TANGO6: variants seen among roughly 807,000 people sequenced by gnomAD.
The protein encoded by TANGO6 is transport and golgi organization 6 homolog, also known as transport and Golgi organization protein 6 homolog.
A neutral mutation model predicts 114.2 loss-of-function variants in TANGO6; 90 were observed. That is an observed-to-expected ratio of 0.79 (90% CI 0.66 to 0.94). The LOEUF is 0.94. TANGO6 is among the 40% of genes least tolerant of loss of function. TANGO6 has a pLI of 0.00. For synonymous variants in TANGO6, 477 were observed against 509.8 expected, an observed-to-expected ratio of 0.94 and a Z score of 0.87; for missense variants, 1,274 against 1,315.3, an observed-to-expected ratio of 0.97 and a Z score of 0.49.
At chr16:68,960,478 T>G (rs1216256403) in intron 14 of TANGO6, among the ~76,000 whole-genome samples, 1 of 151,446 alleles carries the variant, frequency 6.6e-6, no homozygotes, top group Non-Finnish European at 1.5e-5. Context: ...TTTAAATTAT[T>G]TTTTATTTAA....
At chr16:68,870,364 G>A (rs533262607) in intron 4 of TANGO6, among the ~76,000 whole-genome samples, 2 of 152,322 alleles carry the variant, frequency 1.3e-5, no homozygotes, top group South Asian at 2.1e-4. Flanking sequence ...GTTGGCAGAC[G>A]TTGGTAGATT....
chr16:69,038,344 C>T (rs1447328974), intron 16 of TANGO6, among the ~76,000 whole-genome samples: 1 of 151,930 alleles, frequency 6.6e-6, no homozygotes, highest in Non-Finnish European at 1.5e-5. Context: ...GCACCAGAAT[C>T]GCTTGAACCC....
chr16:68,938,020 A>G (rs1203844223), intron 14 of TANGO6, among the ~76,000 whole-genome samples: 2 of 152,170 alleles, frequency 1.3e-5, no homozygotes, highest in Non-Finnish European at 2.9e-5. Context: ...CTGCTGGACT[A>G]TTTTCCAAAG....
At chr16:68,880,989 A>C (rs1292250972) in intron 7 of TANGO6, among the ~76,000 whole-genome samples, 2 of 152,036 alleles carry the variant, frequency 1.3e-5, no homozygotes, top group African/African-American at 2.4e-5. Flanking sequence ...AGGTCTCACT[A>C]TATTGCCCAG....
At chr16:68,933,313 G>T (rs1963266027) in intron 14 of TANGO6, among the ~76,000 whole-genome samples, 1 of 152,156 alleles carries the variant, frequency 6.6e-6, no homozygotes, top group South Asian at 2.1e-4. Flanking sequence ...TACTTGGGAG[G>T]CTGAAGCAGG....
intron 1 of TANGO6, among the ~76,000 whole-genome samples, chr16:68,852,289 A>C (rs1365765602): frequency 6.6e-6 from 1 of 152,192 alleles, no homozygotes; most frequent in Admixed American, 6.5e-5. Flanking sequence ...ACCATAATTT[A>C]CTCAACAAAC....
intron 7 of TANGO6, among the ~76,000 whole-genome samples, chr16:68,888,140 C>T (rs1962563577): frequency 6.6e-6 from 1 of 152,110 alleles, no homozygotes; most frequent in African/African-American, 2.4e-5. Flanking sequence ...ATGATTCTCA[C>T]TTCTATATAT....
chr16:69,005,447 A>G (rs958169634), intron 15 of TANGO6, among the ~76,000 whole-genome samples: 1 of 152,152 alleles, frequency 6.6e-6, no homozygotes, highest in Non-Finnish European at 1.5e-5. Flanking sequence ...TCTTATGGCC[A>G]CTTTCCCATC....
intron 14 of TANGO6, among the ~76,000 whole-genome samples, chr16:68,949,833 T>A (rs1192776256): frequency 2.7e-5 from 4 of 150,874 alleles, no homozygotes; most frequent in Admixed American, 6.6e-5. Context: ...AAGTTTATAT[T>A]TATATATATA....
intron 7 of TANGO6, among the ~76,000 whole-genome samples, chr16:68,896,769 G>A (rs1962711510): frequency 6.6e-6 from 1 of 152,084 alleles, no homozygotes; most frequent in Non-Finnish European, 1.5e-5. Flanking sequence ...ACTGTAGAAA[G>A]CATTTATTTA....
At chr16:69,068,799 C>T (rs535007231) in intron 17 of TANGO6, among the ~76,000 whole-genome samples, 2 of 152,290 alleles carry the variant, frequency 1.3e-5, no homozygotes, top group South Asian at 2.1e-4. Flanking sequence ...CTGCAACCTC[C>T]GCCTCCCAGA....
chr16:68,939,755 A>C (rs1027422993), intron 14 of TANGO6, among the ~76,000 whole-genome samples: 2 of 152,198 alleles, frequency 1.3e-5, no homozygotes, highest in African/African-American at 4.8e-5. Flanking sequence ...GTATATACAC[A>C]CGTACATATT....
chr16:68,986,451 G>C (rs1035424928), intron 15 of TANGO6, among the ~76,000 whole-genome samples: 2 of 151,936 alleles, frequency 1.3e-5, no homozygotes, highest in African/African-American at 4.8e-5. Context: ...CTGATTCAAT[G>C]TGCTTTGTCA....
rs1483916289 is a variant in TANGO6, at chr16:68,860,328, A to C, written c.539A>C (p.Gln180Pro). ...AGAACTGAATTTGGTGCCGTCGTTCAAGACGTGGTGTGTTTTGATGCTGCC... is the reference window on the plus strand; with the variant it reads ...AGAACTGAATTTGGTGCCGTCGTTCCAGACGTGGTGTGTTTTGATGCTGCC... Reference protein sequence around the residue: ...RYRTEFGAVVQDVVCFDAAPD... With the variant: ...RYRTEFGAVVPDVVCFDAAPD... The change falls in exon 2 of 18, where the codon CAA becomes CCA. Residue 180 changes from glutamine (Q) to proline (P), a missense_variant. Transcript: ENST00000261778. 6.2e-7 allele frequency: 1 copy of C among 1,613,882 alleles called. No homozygotes were observed. Among genetic ancestry groups the C allele is most frequent in the Non-Finnish European group, 8.5e-7 (1 of 1,179,906 alleles).
At chr16:68,893,253 C>T (rs1172619077) in intron 7 of TANGO6, among the ~76,000 whole-genome samples, 1 of 152,148 alleles carries the variant, frequency 6.6e-6, no homozygotes, top group Non-Finnish European at 1.5e-5. Context: ...AGAGGCCTTA[C>T]AGCACCATTC....
intron 17 of TANGO6, among the ~76,000 whole-genome samples, chr16:69,080,090 CA>C (rs1463208169): frequency 6.6e-6 from 1 of 152,010 alleles, no homozygotes; most frequent in African/African-American, 2.4e-5. Context: ...TTTGCAATAG[CA>C]AAAGATAAAA....
At chr16:69,051,528 C>T (rs1228840007) in intron 17 of TANGO6, among the ~76,000 whole-genome samples, 1 of 152,114 alleles carries the variant, frequency 6.6e-6, no homozygotes, top group Non-Finnish European at 1.5e-5. Context: ...ACTAAAAATA[C>T]AAAAATTAAC....
intron 14 of TANGO6, among the ~76,000 whole-genome samples, chr16:68,956,283 A>G (rs879837773): frequency 2.6e-5 from 4 of 152,254 alleles, no homozygotes; most frequent in African/African-American, 4.8e-5. Flanking sequence ...CCAGAACTCT[A>G]TGAGGTGAAC....
At chr16:69,018,139 CTTTTTT>C (rs34796579) in intron 15 of TANGO6, among the ~76,000 whole-genome samples, 2 of 77,076 alleles carry the variant, frequency 2.6e-5, no homozygotes, top group African/African-American at 4.7e-5. Context: ...TTGGAAATCT[CTTTTTT>C]TTTTTTTTTT....
Sources: gnomAD v4.1 joint callset for allele counts (sites outside exome capture counted in the v4.1 genomes callset) on GRCh38, gnomAD v4.1.1 for gene constraint, MANE v1.5 for transcripts, NCBI Gene and HGNC (gene_info 2026-07-23, HGNC 2026-07-21) for gene names.